The following SERPINI1 variants were observed in gnomAD, a reference collection of about 807,000 sequenced individuals.
The protein encoded by SERPINI1 is neuroserpin.
Under a neutral mutation model 41.1 loss-of-function variants are expected in SERPINI1, and 19 were observed. The ratio of observed to expected loss-of-function variants is 0.46; its 90% CI spans 0.32 to 0.68. SERPINI1 has a LOEUF of 0.68. Among genes scored for constraint, SERPINI1 ranks in the 30% least tolerant of loss-of-function variants. The pLI is 0.03. For missense variants in SERPINI1, 460 were observed against 479.2 expected, an observed-to-expected ratio of 0.96 and a Z score of 0.37; for synonymous variants, 138 against 156.6, an observed-to-expected ratio of 0.88 and a Z score of 0.89.
intron 5 of SERPINI1, among the ~76,000 whole-genome samples, chr3:167,798,041 C>A (rs148319523): frequency 6.8e-4 from 103 of 152,110 alleles, no homozygotes; most frequent in African/African-American, 2.5e-3. Flanking sequence ...TCCAAATGCT[C>A]CAATTCTATG....
chr3:167,753,003 A>G (rs909740662), intron 1 of SERPINI1, among the ~76,000 whole-genome samples: 1 of 152,170 alleles, frequency 6.6e-6, no homozygotes, highest in Non-Finnish European at 1.5e-5. Context: ...GTTTTCAACT[A>G]GGTGCTTTAA....
At chr3:167,740,609 C>T (rs1283652917) in intron 1 of SERPINI1, among the ~76,000 whole-genome samples, 1 of 152,172 alleles carries the variant, frequency 6.6e-6, no homozygotes, top group Non-Finnish European at 1.5e-5. Flanking sequence ...CAGCCCTCTG[C>T]CAACAACGGT....
chr3:167,787,998 A>G (rs570189504), intron 1 of SERPINI1, among the ~76,000 whole-genome samples: 1 of 152,382 alleles, frequency 6.6e-6, no homozygotes, highest in African/African-American at 2.4e-5. Flanking sequence ...TAATTAAAAT[A>G]CAATTTTCCA....
intron 5 of SERPINI1, among the ~76,000 whole-genome samples, chr3:167,799,060 T>C (rs1973360): frequency 0.19 from 28,482 of 152,134 alleles, 2,908 homozygotes; most frequent in Non-Finnish European, 0.24. Context: ...TTTCTCTTTA[T>C]ACTTCAAGTT....
At chr3:167,822,083 T>A (rs1577437697) in intron 6 of SERPINI1, among the ~76,000 whole-genome samples, 1 of 152,210 alleles carries the variant, frequency 6.6e-6, no homozygotes, top group East Asian at 1.9e-4. Context: ...TCCAGACAGT[T>A]TGACTAAATA....
intron 5 of SERPINI1, among the ~76,000 whole-genome samples, chr3:167,796,298 T>C (rs1271250617): frequency 1.3e-5 from 2 of 151,780 alleles, no homozygotes. Context: ...CATGTCATGT[T>C]ATATATTCAT....
chr3:167,822,805 T>G, intron 6 of SERPINI1, 181 bp from the exon 7 acceptor site: 1 of 539,400 alleles, frequency 1.9e-6, no homozygotes, highest in Non-Finnish European at 3.3e-6. Context: ...GAATATAAAA[T>G]GAGGGCAAAT....
intron 6 of SERPINI1, among the ~76,000 whole-genome samples, chr3:167,820,623 G>T (rs1712285510): frequency 6.6e-6 from 1 of 152,226 alleles, no homozygotes; most frequent in African/African-American, 2.4e-5. Context: ...GCACTGATGA[G>T]CATGGGAGGG....
chr3:167,736,499 A>G (rs1476085891), intron 1 of SERPINI1, among the ~76,000 whole-genome samples: 4 of 152,350 alleles, frequency 2.6e-5, no homozygotes, highest in East Asian at 1.9e-4. Flanking sequence ...TCAGCCTACA[A>G]TGGAAACATA....
intron 1 of SERPINI1, among the ~76,000 whole-genome samples, chr3:167,752,038 G>C (rs1226607991): frequency 6.6e-6 from 1 of 152,132 alleles, no homozygotes; most frequent in Non-Finnish European, 1.5e-5. Context: ...TTTGTTTTGA[G>C]ATTAGTAATA....
chr3:167,741,233 G>A (rs897588103), intron 1 of SERPINI1, among the ~76,000 whole-genome samples: 10 of 152,076 alleles, frequency 6.6e-5, no homozygotes, highest in African/African-American at 2.2e-4. Flanking sequence ...TCTTAATGTG[G>A]GAAGGAAAAC....
Position 167,794,849 on chromosome 3 carries a change from C to A in SERPINI1, c.881+25C>A, listed in dbSNP as rs201398254. On this transcript the variant is annotated intron_variant, in intron 5 of 8. Coordinates refer to ENST00000446050, the MANE Select transcript of SERPINI1 (RefSeq NM_001122752.2). Reference sequence around the variant, plus strand: ...GGTATGAGGTTCCTGTGTCACCCGTCCCACAGCATGGACGATGGGCTATCA... The same window carrying A: ...GGTATGAGGTTCCTGTGTCACCCGTACCACAGCATGGACGATGGGCTATCA... 86 of 1,588,116 alleles carry A rather than the reference C, an allele frequency of 5.4e-5. 1 individual carries two copies. In the East Asian group the frequency reaches 1.8e-3, roughly 33 times the overall value.
rs2108557185 is a variant in SERPINI1 at position 167,790,523 on chromosome 3, A to G, written c.402A>G (p.Ala134=). The change falls in exon 3 of 9, where the codon GCA becomes GCG. Residue 134 remains alanine, a synonymous_variant. Coordinates refer to ENST00000446050, the MANE Select transcript of SERPINI1 (RefSeq NM_001122752.2). ...AAATGATGAAAAAATATTTTAATGC[A>G]GCAGTAAATCATGTGGACTTCAGTC... ...FLQMMKKYFN[A]AVNHVDFSQN... 54 of 1,614,046 alleles carry G rather than the reference A, an allele frequency of 3.3e-5. No homozygotes were observed. Among genetic ancestry groups the G allele is most frequent in the Non-Finnish European group, 4.6e-5 (54 of 1,179,936 alleles).
chr3:167,773,288 G>A (rs894778544), intron 1 of SERPINI1, among the ~76,000 whole-genome samples: 7 of 152,074 alleles, frequency 4.6e-5, no homozygotes, highest in African/African-American at 1.4e-4. Flanking sequence ...ACAGTTTCCT[G>A]TTAGTGAGGA....
chr3:167,781,734 T>C (rs1370152552), intron 1 of SERPINI1, among the ~76,000 whole-genome samples: 2 of 150,154 alleles, frequency 1.3e-5, no homozygotes, highest in African/African-American at 4.9e-5. Context: ...CAACTCACAA[T>C]TATGAAACCA....
chr3:167,737,633 G>C (rs917333547), intron 1 of SERPINI1, among the ~76,000 whole-genome samples: 1 of 152,048 alleles, frequency 6.6e-6, no homozygotes, highest in Non-Finnish European at 1.5e-5. Context: ...TGCTGTCGCT[G>C]GGTTATTTCC....
chr3:167,743,223 G>A (rs1209143781), intron 1 of SERPINI1, among the ~76,000 whole-genome samples: 1 of 151,980 alleles, frequency 6.6e-6, no homozygotes, highest in Non-Finnish European at 1.5e-5. Flanking sequence ...CTAGAGGAGA[G>A]CCTACTCTAA....
intron 4 of SERPINI1, among the ~76,000 whole-genome samples, chr3:167,794,396 A>C (rs1727644901): frequency 1.3e-5 from 2 of 152,090 alleles, no homozygotes; most frequent in Non-Finnish European, 2.9e-5. Context: ...TATATAACAA[A>C]TTTAAACCTT....
chr3:167,760,348 A>AATATATATATAT (rs35053492), intron 1 of SERPINI1, among the ~76,000 whole-genome samples: 119 of 147,512 alleles, frequency 8.1e-4, no homozygotes, highest in African/African-American at 2.8e-3. Context: ...ACTAATTTCA[A>AATATATATATAT]ATATATATAT....
Sources: gnomAD v4.1 joint callset for allele counts (sites outside exome capture counted in the v4.1 genomes callset) on GRCh38, gnomAD v4.1.1 for gene constraint, MANE v1.5 for transcripts, NCBI Gene and HGNC (gene_info 2026-07-23, HGNC 2026-07-21) for gene names.